Variants in PDE9A observed in about 807,000 individuals in gnomAD.
The protein encoded by PDE9A is phosphodiesterase 9A.
A neutral mutation model predicts 87.4 loss-of-function variants in PDE9A; 60 were observed. The ratio of observed to expected loss-of-function variants is 0.69; its 90% CI spans 0.56 to 0.85. The LOEUF (loss-of-function observed/expected upper bound fraction) is 0.85. Ranked by LOEUF, PDE9A falls within the 40% of genes least tolerant of loss-of-function variation. The pLI, the probability that PDE9A is intolerant of heterozygous loss-of-function variation, is 0.00. For synonymous variants in PDE9A, 272 were observed against 279.4 expected (o/e 0.97, Z 0.27); for missense variants, 665 against 779.0 (o/e 0.85, Z 1.74).
At chr21:42,724,665 G>C in intron 4 of PDE9A, 2 of 877,970 alleles carry the variant, frequency 2.3e-6, no homozygotes, top group Non-Finnish European at 2.7e-6. Flanking sequence ...AGTGCCCCTG[G>C]AGTGTTCTCA....
At chr21:42,672,702 G>A (rs184577134) in intron 1 of PDE9A, among the ~76,000 whole-genome samples, 8 of 152,220 alleles carry the variant, frequency 5.3e-5, no homozygotes, top group Non-Finnish European at 7.3e-5. Context: ...CATTTAACCC[G>A]TCGAGTTTGG....
chr21:42,773,793 T>C (rs1263912632), intron 19 of PDE9A, among the ~76,000 whole-genome samples: 1 of 150,658 alleles, frequency 6.6e-6, no homozygotes, highest in Non-Finnish European at 1.5e-5. Flanking sequence ...AGAGCGAGAC[T>C]TCGTCTCAAA....
In PDE9A at chr21:42,726,615, TATA is replaced by T. The variant is rs1408975257; in HGVS notation, c.263-5154_263-5152del. 1.2e-3 allele frequency among the ~76,000 whole-genome samples: 51 copies of T among 43,132 alleles called. 1 individual carries two copies. Among genetic ancestry groups the T allele is most frequent in the African/African-American group, 6.8e-3 (39 of 5,740 alleles). 28.3% of individuals were successfully genotyped at this position (43,132 alleles called of 152,430 possible). A position where few individuals can be genotyped will look rare whatever the true frequency, so the allele number is the denominator to read the frequency against. ...GGCCATATATATATATATATATATATATATATATATTTTTTTTTTTTTTTTTGT... is the reference window on the plus strand; with the variant it reads ...GGCCATATATATATATATATATATATTATATATTTTTTTTTTTTTTTTTGT... On this transcript the variant is annotated intron_variant, in intron 4 of 19. Transcript: ENST00000291539.
intron 4 of PDE9A, among the ~76,000 whole-genome samples, chr21:42,731,311 C>T (rs2051708943): frequency 6.6e-6 from 1 of 152,082 alleles, no homozygotes; most frequent in African/African-American, 2.4e-5. Flanking sequence ...ATGAAATCAA[C>T]ATAGAAGATG....
intron 1 of PDE9A, among the ~76,000 whole-genome samples, chr21:42,685,840 C>T (rs2059431435): frequency 6.6e-6 from 1 of 152,152 alleles, no homozygotes; most frequent in Non-Finnish European, 1.5e-5. Flanking sequence ...CCATGAGATA[C>T]TTGAAGACCC....
At position 42,760,807 on chromosome 21, in the gene PDE9A, C is replaced by A. The variant is rs1352693214; in HGVS notation, c.1003-18C>A. On this transcript the variant is annotated intron_variant, in intron 12 of 19. Transcript: ENST00000291539. This position sits in a 1 kb window ranked among gnomAD's most constrained non-coding sequence, Gnocchi z 5.2. ...CGAGTGAAGAGAGCAAACACCTACG[C>A]CCTGTTTTCCAATCCAGGAGAAGTT... 5.3e-6 allele frequency: 8 copies of A among 1,516,148 alleles called. No individual in the cohort carries two copies. The African/African-American group carries it at 1.1e-4, about 21-fold the overall frequency. The allele number at this position is 1,516,148 out of a possible 1,614,324, so 93.9% of individuals were successfully genotyped here.
rs142992435 is a variant in PDE9A at position 42,665,039 on chromosome 21, G to A, written c.69+11156G>A. 9.5e-3 allele frequency among the ~76,000 whole-genome samples: 1,448 copies of A among 152,348 alleles called. 10 individuals are homozygous for A. Among genetic ancestry groups the A allele is most frequent in the Non-Finnish European group, 0.015 (1,011 of 68,030 alleles). On this transcript the variant is annotated intron_variant, in intron 1 of 19. Transcript: ENST00000291539. ...GGATGGGCCTCAAGCCCATATGCCC[G>A]CCATCCTTCTAAGGAGAGGGAAAGG...
chr21:42,745,404 C>T lies in PDE9A; in HGVS notation c.653+1544C>T, dbSNP rs961550684. 2.0e-5 allele frequency among the ~76,000 whole-genome samples: 3 copies of T among 152,308 alleles called. No homozygotes were observed. The South Asian group carries it at 6.2e-4, about 32-fold the overall frequency. ...GGGGAAGTCAGGCCATAGTTTGTGGCCATGGAAAGTTGTGAGTGAACAATC... is the reference window on the plus strand; with the variant it reads ...GGGGAAGTCAGGCCATAGTTTGTGGTCATGGAAAGTTGTGAGTGAACAATC... On this transcript the variant is annotated intron_variant, in intron 8 of 19. Coordinates refer to ENST00000291539, the MANE Select transcript of PDE9A (RefSeq NM_002606.3).
chr21:42,769,953 C>T (rs896278525), intron 17 of PDE9A, among the ~76,000 whole-genome samples: 3 of 152,178 alleles, frequency 2.0e-5, no homozygotes. Flanking sequence ...CCTGGGGGGC[C>T]CCTCACTGCC....
Position 42,660,079 on chromosome 21 carries a change from G to C in PDE9A, c.69+6196G>C, listed in dbSNP as rs2057371461. 6.6e-6 allele frequency among the ~76,000 whole-genome samples: 1 copy of C among 152,148 alleles called. No individual in the cohort carries two copies. Among genetic ancestry groups the C allele is most frequent in the Admixed American group, 6.5e-5 (1 of 15,290 alleles). On this transcript the variant is annotated intron_variant, in intron 1 of 19. Coordinates refer to ENST00000291539, the MANE Select transcript of PDE9A (RefSeq NM_002606.3). The surrounding 1 kb of genome is among the most constrained non-coding windows in gnomAD (Gnocchi z 4.7). ...GGCTGGGCCCGGTAGCCCAGTCCTGGGCTTGCTTCCCAGGGGGTGGTGGGC... is the reference window on the plus strand; with the variant it reads ...GGCTGGGCCCGGTAGCCCAGTCCTGCGCTTGCTTCCCAGGGGGTGGTGGGC...
intron 4 of PDE9A, among the ~76,000 whole-genome samples, chr21:42,711,808 GT>G (rs2049368696): frequency 6.6e-6 from 1 of 152,092 alleles, no homozygotes; most frequent in Non-Finnish European, 1.5e-5. Context: ...TGCACCACTT[GT>G]TAAAAAGACT....
At chr21:42,657,320 C>A (rs1418119890) in intron 1 of PDE9A, among the ~76,000 whole-genome samples, 2 of 152,204 alleles carry the variant, frequency 1.3e-5, no homozygotes, top group Admixed American at 6.5e-5. Context: ...CAGGTGAAGC[C>A]CTCCTGTCAC....
In PDE9A at chr21:42,704,055, A is replaced by G. The variant is rs551810725; in HGVS notation, c.262+5044A>G. On this transcript the variant is annotated intron_variant, in intron 4 of 19. Transcript: ENST00000291539. The surrounding 1 kb of genome is among the most constrained non-coding windows in gnomAD (Gnocchi z 5.3). Reference sequence around the variant, plus strand: ...AGGGCCCAGGCTCCCGCCAGCCCTCACGGCAGCACGAGGCTGGTACGAGAC... The same window carrying G: ...AGGGCCCAGGCTCCCGCCAGCCCTCGCGGCAGCACGAGGCTGGTACGAGAC... Among the ~76,000 whole-genome samples the G allele has an allele frequency of 1.2e-4, 19 of 152,312 alleles. No individual in the cohort carries two copies. Among genetic ancestry groups the G allele is most frequent in the African/African-American group, 4.3e-4 (18 of 41,560 alleles).
chr21:42,662,430 TGGA>T (rs2057575057), intron 1 of PDE9A, among the ~76,000 whole-genome samples: 2 of 151,860 alleles, frequency 1.3e-5, no homozygotes, highest in South Asian at 2.1e-4. Flanking sequence ...TGCAGAGGGA[TGGA>T]GGACTATGGT....
Position 42,704,337 on chromosome 21 carries a change from G to A in PDE9A, c.262+5326G>A, listed in dbSNP as rs1311666714. ...GCTAACACCACCTTTCCCCGCCTCTGGGTGCGTGGGGACCCCGCTCTCCAA... is the reference window on the plus strand; with the variant it reads ...GCTAACACCACCTTTCCCCGCCTCTAGGTGCGTGGGGACCCCGCTCTCCAA... On this transcript the variant is annotated intron_variant, in intron 4 of 19. Coordinates refer to ENST00000291539, the MANE Select transcript of PDE9A (RefSeq NM_002606.3). This position sits in a 1 kb window ranked among gnomAD's most constrained non-coding sequence, Gnocchi z 5.3. 6.6e-6 allele frequency among the ~76,000 whole-genome samples: 1 copy of A among 151,966 alleles called. No homozygotes were observed. Among genetic ancestry groups the A allele is most frequent in the African/African-American group, 2.4e-5 (1 of 41,344 alleles).
intron 15 of PDE9A, 51 bp downstream of exon 15, chr21:42,765,545 G>C: frequency 1.0e-6 from 1 of 961,366 alleles, no homozygotes; most frequent in Non-Finnish European, 1.7e-6. Context: ...GGCTGGCGAA[G>C]CAGGTCATCC....
chr21:42,773,915 T>G (rs374983811), intron 19 of PDE9A, among the ~76,000 whole-genome samples: 1 of 150,620 alleles, frequency 6.6e-6, no homozygotes, highest in African/African-American at 2.4e-5. Flanking sequence ...CCATCCTGGC[T>G]AACACGGTGA....
chr21:42,724,747 C>T (rs1480413747), intron 4 of PDE9A: 11 of 230,520 alleles, frequency 4.8e-5, no homozygotes, highest in Non-Finnish European at 6.4e-5. Flanking sequence ...GCGCATTGGC[C>T]GAGGTGTGGC....
chr21:42,685,483 T>TTTTTTTTTTTTTTG (rs71190435), intron 1 of PDE9A, among the ~76,000 whole-genome samples: 1 of 149,968 alleles, frequency 6.7e-6, no homozygotes, highest in African/African-American at 2.5e-5. Flanking sequence ...TTTTTTTTTT[T>TTTTTTTTTTTTTTG]GAGACGGAGT....
Sources: gnomAD v4.1 joint callset for allele counts (sites outside exome capture counted in the v4.1 genomes callset) on GRCh38, gnomAD v4.1.1 for gene constraint, Gnocchi (gnomAD v3.1) non-coding constraint, MANE v1.5 for transcripts, NCBI Gene and HGNC (gene_info 2026-07-23, HGNC 2026-07-21) for gene names.